Variants in LRRC4C observed in about 807,000 individuals in gnomAD.
The protein encoded by LRRC4C is leucine rich repeat containing 4C, also known as leucine-rich repeat-containing protein 4C.
LRRC4C carries 5 observed loss-of-function variants against 33.6 expected under a neutral mutation model. The ratio of observed to expected loss-of-function variants is 0.15; its 90% CI spans 0.08 to 0.31. LRRC4C has a LOEUF of 0.31. Among genes scored for constraint, LRRC4C ranks in the 10% least tolerant of loss-of-function variants. LRRC4C has a pLI of 1.00. For missense variants in LRRC4C, 560 were observed against 796.7 expected (o/e 0.70, Z 3.58); for synonymous variants, 329 against 302.0 (o/e 1.09, Z -0.93).
chr11:40,394,149 C>T (rs932917163), intron 3 of LRRC4C, among the ~76,000 whole-genome samples: 1 of 151,950 alleles, frequency 6.6e-6, no homozygotes, highest in African/African-American at 2.4e-5. Flanking sequence ...AGAGTGACAG[C>T]AAGAAGGTGG....
chr11:41,050,333 T>A (rs1052443212), intron 1 of LRRC4C, among the ~76,000 whole-genome samples: 2 of 152,126 alleles, frequency 1.3e-5, no homozygotes, highest in Non-Finnish European at 2.9e-5. Flanking sequence ...TAGCTATACA[T>A]GGGCCATGTT....
At chr11:40,202,371 C>A (rs1452408205) in intron 5 of LRRC4C, among the ~76,000 whole-genome samples, 1 of 151,764 alleles carries the variant, frequency 6.6e-6, no homozygotes, top group African/African-American at 2.4e-5. Context: ...TATCCTCTAA[C>A]CTTGAGAAAA....
intron 3 of LRRC4C, among the ~76,000 whole-genome samples, chr11:40,444,831 G>A (rs7936757): frequency 0.011 from 1,661 of 152,296 alleles, 32 homozygotes; most frequent in African/African-American, 0.038. Flanking sequence ...GCAGTAGGCT[G>A]TTTGTGTTGT....
At chr11:40,665,323 A>AGTATAT (rs1169842175) in intron 2 of LRRC4C, among the ~76,000 whole-genome samples, 1 of 10,938 alleles carries the variant, frequency 9.1e-5, no homozygotes, top group Non-Finnish European at 1.8e-4. Context: ...AAAAAAAAAA[A>AGTATAT]AAATATATAT....
intron 5 of LRRC4C, among the ~76,000 whole-genome samples, chr11:40,158,419 T>G (rs1301648595): frequency 6.6e-6 from 1 of 152,058 alleles, no homozygotes; most frequent in African/African-American, 2.4e-5. Context: ...AGGAAAAAAT[T>G]TTAAAAATTA....
intron 2 of LRRC4C, among the ~76,000 whole-genome samples, chr11:40,831,899 T>A (rs1952432142): frequency 6.6e-6 from 1 of 152,162 alleles, no homozygotes; most frequent in Non-Finnish European, 1.5e-5. Flanking sequence ...AGGTCTGTAA[T>A]TCAAGATAAG....
At chr11:40,703,107 T>A (rs956832801) in intron 2 of LRRC4C, among the ~76,000 whole-genome samples, 1 of 152,072 alleles carries the variant, frequency 6.6e-6, no homozygotes, top group African/African-American at 2.4e-5. Flanking sequence ...TCAGGGGGCA[T>A]TAGGCAGTGT....
chr11:41,373,682 A>C (rs980641817), intron 1 of LRRC4C, among the ~76,000 whole-genome samples: 3 of 152,150 alleles, frequency 2.0e-5, no homozygotes, highest in African/African-American at 7.2e-5. Context: ...TCAGAATTCT[A>C]AAAATATAAA....
chr11:40,373,597 T>G (rs1421648434), intron 3 of LRRC4C, among the ~76,000 whole-genome samples: 2 of 152,176 alleles, frequency 1.3e-5, no homozygotes, highest in East Asian at 1.9e-4. Context: ...AATTTCATAT[T>G]GCAATGTAAC....
intron 5 of LRRC4C, among the ~76,000 whole-genome samples, chr11:40,211,563 G>A (rs187247402): frequency 6.6e-6 from 1 of 152,256 alleles, no homozygotes; most frequent in African/African-American, 2.4e-5. Flanking sequence ...TTTTAAATTT[G>A]CTCATTGTGT....
chr11:40,785,389 T>C (rs995793948), intron 2 of LRRC4C, among the ~76,000 whole-genome samples: 1 of 152,204 alleles, frequency 6.6e-6, no homozygotes, highest in Non-Finnish European at 1.5e-5. Flanking sequence ...ACTCTTAATT[T>C]GATTCTTACT....
intron 4 of LRRC4C, among the ~76,000 whole-genome samples, chr11:40,263,708 C>A (rs1408350806): frequency 6.6e-6 from 1 of 152,180 alleles, no homozygotes; most frequent in African/African-American, 2.4e-5. Flanking sequence ...ACTTGATTCT[C>A]CTTTCTTCAC....
chr11:41,454,391 C>G (rs1218674008), intron 1 of LRRC4C, among the ~76,000 whole-genome samples: 1 of 152,058 alleles, frequency 6.6e-6, no homozygotes, highest in African/African-American at 2.4e-5. Context: ...CATTCCCTGT[C>G]CAAATACAGG....
chr11:40,983,441 G>C (rs903001968), intron 1 of LRRC4C, among the ~76,000 whole-genome samples: 1 of 152,098 alleles, frequency 6.6e-6, no homozygotes, highest in Admixed American at 6.6e-5. Context: ...ATACCAGTCA[G>C]GACACAGGCA....
At chr11:41,435,451 T>A (rs764698663) in intron 1 of LRRC4C, among the ~76,000 whole-genome samples, 1 of 152,142 alleles carries the variant, frequency 6.6e-6, no homozygotes, top group Non-Finnish European at 1.5e-5. Flanking sequence ...CGTTGATCAA[T>A]ACCGATACAA....
intron 1 of LRRC4C, among the ~76,000 whole-genome samples, chr11:41,187,265 A>T (rs1945735461): frequency 6.6e-6 from 1 of 152,116 alleles, no homozygotes; most frequent in African/African-American, 2.4e-5. Flanking sequence ...CACCCCCATT[A>T]TGTGTCTGTA....
intron 2 of LRRC4C, among the ~76,000 whole-genome samples, chr11:40,878,566 A>G (rs1955024633): frequency 2.0e-5 from 3 of 152,196 alleles, no homozygotes; most frequent in African/African-American, 7.2e-5. Flanking sequence ...GGTGGAGCTC[A>G]GGCAGTAATG....
chr11:40,337,072 C>T (rs182022109), intron 3 of LRRC4C, among the ~76,000 whole-genome samples: 83 of 150,274 alleles, frequency 5.5e-4, no homozygotes, highest in Non-Finnish European at 1.0e-3. Flanking sequence ...AGCGCACATC[C>T]GAAGCGAGAC....
intron 4 of LRRC4C, among the ~76,000 whole-genome samples, chr11:40,244,260 C>G (rs1031570372): frequency 6.6e-6 from 1 of 152,110 alleles, no homozygotes; most frequent in Non-Finnish European, 1.5e-5. Context: ...GAAGAAGAAG[C>G]CTCAAGATCT....
Sources: allele counts gnomAD v4.1 joint callset (sites outside exome capture counted in the v4.1 genomes callset), GRCh38; gene constraint gnomAD v4.1.1; transcripts MANE v1.5; gene names NCBI Gene and HGNC (gene_info 2026-07-23, HGNC 2026-07-21).